RHBDD1: variants seen among roughly 807,000 people sequenced by gnomAD.
RHBDD1 encodes the protein rhomboid domain containing 1.
RHBDD1 carries 38 observed loss-of-function variants against 36.3 expected under a neutral mutation model. The ratio of observed to expected loss-of-function variants is 1.05; its 90% CI spans 0.81 to 1.37. The LOEUF (loss-of-function observed/expected upper bound fraction) is 1.37, where lower values mean the gene tolerates loss of function less well. Among genes scored for constraint, RHBDD1 ranks in the 40% most tolerant of loss-of-function variants. The pLI is 0.00. For synonymous variants in RHBDD1, 151 were observed against 136.5 expected, an observed-to-expected ratio of 1.11 and a Z score of -0.74; for missense variants, 393 against 377.6, an observed-to-expected ratio of 1.04 and a Z score of -0.34.
chr2:226,988,669 C>A, intron 8 of RHBDD1: 1 of 984,166 alleles, frequency 1.0e-6, no homozygotes, highest in Non-Finnish European at 1.2e-6. Flanking sequence ...TTTTAATATT[C>A]CGAAGGGTTT....
chr2:226,887,112 A>G (rs563981017), intron 5 of RHBDD1, among the ~76,000 whole-genome samples: 1 of 152,280 alleles, frequency 6.6e-6, no homozygotes, highest in South Asian at 2.1e-4. Context: ...CACTTTGAGG[A>G]TGATGTATAT....
intron 8 of RHBDD1, among the ~76,000 whole-genome samples, chr2:226,920,505 A>T (rs1949232982): frequency 6.6e-6 from 1 of 152,124 alleles, no homozygotes; most frequent in South Asian, 2.1e-4. Flanking sequence ...CCCTTTCAAC[A>T]TGATACTAGC....
intron 5 of RHBDD1, among the ~76,000 whole-genome samples, chr2:226,882,850 T>C (rs1206378854): frequency 1.3e-5 from 2 of 152,148 alleles, no homozygotes; most frequent in African/African-American, 4.8e-5. Context: ...CAGGTTGCCA[T>C]CATGGTTGGT....
chr2:226,855,505 A>C (rs534017195), intron 3 of RHBDD1, among the ~76,000 whole-genome samples: 1 of 152,314 alleles, frequency 6.6e-6, no homozygotes, highest in African/African-American at 2.4e-5. Flanking sequence ...CCTGTCTCTA[A>C]AAAACAAAAA....
the RHBDD1 span, among the ~76,000 whole-genome samples, chr2:226,825,658 C>T: frequency 6.6e-6 from 1 of 152,236 alleles, no homozygotes; most frequent in Non-Finnish European, 1.5e-5. Flanking sequence ...CAAACATGCA[C>T]GAGTAAAAAC....
At chr2:226,988,526 C>T (rs1221580412) in intron 8 of RHBDD1, 30 of 1,498,134 alleles carry the variant, frequency 2.0e-5, no homozygotes, top group Middle Eastern at 2.4e-4. Context: ...AGCAGCTGCC[C>T]GCACTGTGCC....
intron 5 of RHBDD1, among the ~76,000 whole-genome samples, chr2:226,887,423 T>G (rs1324594918): frequency 4.6e-5 from 7 of 152,306 alleles, no homozygotes; most frequent in African/African-American, 1.7e-4. Flanking sequence ...GAGGGAGAAT[T>G]CCTCAGTGTA....
chr2:226,971,635 G>A (rs762667657), intron 8 of RHBDD1, among the ~76,000 whole-genome samples: 2 of 152,134 alleles, frequency 1.3e-5, no homozygotes, highest in Non-Finnish European at 2.9e-5. Context: ...TGCAAATATG[G>A]GATAAATGTG....
the RHBDD1 span, among the ~76,000 whole-genome samples, chr2:226,800,913 T>C: frequency 6.6e-6 from 1 of 152,204 alleles, no homozygotes; most frequent in African/African-American, 2.4e-5. Context: ...AAGCGCCCCT[T>C]TCAGGGTCAC....
At chr2:226,914,163 A>G (rs1948726056) in intron 7 of RHBDD1, 45 bp from the exon 8 acceptor site, 1 of 1,585,522 alleles carries the variant, frequency 6.3e-7, no homozygotes, top group African/African-American at 1.4e-5. Context: ...AGTATAAAAC[A>G]ACAGTCCATA....
chr2:226,914,454 A>G, intron 8 of RHBDD1, 103 bp downstream of exon 8: 2 of 1,317,062 alleles, frequency 1.5e-6, no homozygotes, highest in Non-Finnish European at 1.0e-6. Flanking sequence ...ACAGTTCAGA[A>G]AAAGGATATG....
chr2:226,987,845 G>A (rs1416178777), intron 8 of RHBDD1, among the ~76,000 whole-genome samples: 2 of 152,204 alleles, frequency 1.3e-5, no homozygotes, highest in Non-Finnish European at 2.9e-5. Context: ...ACCACTTACT[G>A]CATCAGAATC....
At chr2:226,806,715 C>T in the RHBDD1 span, among the ~76,000 whole-genome samples, 8 of 152,284 alleles carry the variant, frequency 5.3e-5, no homozygotes, top group African/African-American at 1.9e-4. Context: ...TTTACTCTTT[C>T]TTATCTCTCT....
chr2:226,901,673 T>G (rs1947608821), intron 5 of RHBDD1, among the ~76,000 whole-genome samples: 1 of 152,132 alleles, frequency 6.6e-6, no homozygotes, highest in South Asian at 2.1e-4. Context: ...CCCATTCATA[T>G]CAAAGGAAAT....
chr2:226,948,564 T>TAAAAAAAAAAAAAAAAAAAAGAAA (rs1951168039), intron 8 of RHBDD1, among the ~76,000 whole-genome samples: 1 of 23,556 alleles, frequency 4.2e-5, no homozygotes, highest in Admixed American at 5.0e-4. Flanking sequence ...ACTTAAAGTA[T>TAAAAAAAAAAAAAAAAAAAAGAAA]AAAAAAAAAA....
At chr2:226,915,612 A>T (rs1207263039) in intron 8 of RHBDD1, among the ~76,000 whole-genome samples, 1 of 152,218 alleles carries the variant, frequency 6.6e-6, no homozygotes, top group East Asian at 1.9e-4. Context: ...ATAAATTATG[A>T]CAATATAATT....
At chr2:226,805,223 G>GTTTTA in the RHBDD1 span, among the ~76,000 whole-genome samples, 980 of 152,096 alleles carry the variant, frequency 6.4e-3, 8 homozygotes, top group Non-Finnish European at 0.01. Context: ...TGTTTGTTTT[G>GTTTTA]TTTTGTTTTG....
chr2:226,990,891 C>A (rs1958039098), intron 8 of RHBDD1, among the ~76,000 whole-genome samples: 1 of 152,102 alleles, frequency 6.6e-6, no homozygotes, highest in Non-Finnish European at 1.5e-5. Flanking sequence ...TATTCTCTAC[C>A]AAGTTCTTTG....
At chr2:226,908,939 C>T (rs1005179691) in intron 7 of RHBDD1, 61 bp downstream of exon 7, 4 of 1,073,236 alleles carry the variant, frequency 3.7e-6, no homozygotes, top group African/African-American at 3.2e-5. Context: ...GTGTTCAGCT[C>T]TACAGAGTAC....
Sources: allele counts gnomAD v4.1 joint callset (sites outside exome capture counted in the v4.1 genomes callset), GRCh38; gene constraint gnomAD v4.1.1; transcripts MANE v1.5; gene names NCBI Gene and HGNC (gene_info 2026-07-23, HGNC 2026-07-21).